DAB1: variants seen among roughly 807,000 people sequenced by gnomAD.
DAB1 encodes the protein DAB adaptor protein 1, also known as disabled homolog 1.
DAB1 carries 15 observed loss-of-function variants against 64.6 expected under a neutral mutation model. The observed-to-expected ratio is 0.23, with a 90% CI of 0.16 to 0.36. The LOEUF (loss-of-function observed/expected upper bound fraction) is 0.36. Ranked by LOEUF, DAB1 falls within the 10% of genes least tolerant of loss-of-function variation. The pLI, the probability that DAB1 is intolerant of heterozygous loss-of-function variation, is 1.00. For synonymous variants in DAB1, 235 were observed against 251.9 expected (o/e 0.93, Z 0.64); for missense variants, 596 against 706.7 (o/e 0.84, Z 1.78).
At chr1:57,755,638 T>G (rs1222398346) in intron 6 of DAB1, among the ~76,000 whole-genome samples, 1 of 152,222 alleles carries the variant, frequency 6.6e-6, no homozygotes, top group Non-Finnish European at 1.5e-5. Flanking sequence ...AGTGACATGT[T>G]CTCAGGTCTT....
chr1:57,841,578 A>C (rs1653049995), intron 1 of DAB1, among the ~76,000 whole-genome samples: 1 of 152,224 alleles, frequency 6.6e-6, no homozygotes, highest in African/African-American at 2.4e-5. Context: ...TGCAGGCCTA[A>C]CACCACATGG....
chr1:57,494,649 A>G (rs899824257), intron 7 of DAB1, among the ~76,000 whole-genome samples: 1 of 152,184 alleles, frequency 6.6e-6, no homozygotes, highest in African/African-American at 2.4e-5. Context: ...ATCATTTTAC[A>G]TCCTTTATAG....
intron 3 of DAB1, among the ~76,000 whole-genome samples, chr1:58,481,415 G>C (rs548032006): frequency 6.6e-6 from 1 of 152,056 alleles, no homozygotes; most frequent in South Asian, 2.1e-4. Context: ...TTAATAATCT[G>C]TAACAACTGC....
At chr1:57,805,969 G>A (rs1014650487) in intron 6 of DAB1, among the ~76,000 whole-genome samples, 2 of 152,092 alleles carry the variant, frequency 1.3e-5, no homozygotes, top group African/African-American at 4.8e-5. Flanking sequence ...ACCTCTTTCA[G>A]TCTACTCTTA....
intron 7 of DAB1, among the ~76,000 whole-genome samples, chr1:57,562,962 T>C (rs1436485526): frequency 3.3e-5 from 5 of 152,116 alleles, no homozygotes; most frequent in Admixed American, 6.5e-5. Context: ...AGTATATATA[T>C]ATAAATAGGA....
At chr1:57,998,428 G>A (rs1443572709) in intron 5 of DAB1, among the ~76,000 whole-genome samples, 2 of 145,752 alleles carry the variant, frequency 1.4e-5, no homozygotes, top group Non-Finnish European at 3.0e-5. Flanking sequence ...TCTTGCAATG[G>A]TGCGATCTCA....
intron 6 of DAB1, among the ~76,000 whole-genome samples, chr1:57,707,060 G>A (rs1013013981): frequency 6.6e-6 from 1 of 152,004 alleles, no homozygotes; most frequent in African/African-American, 2.4e-5. Context: ...GGCAACAAGA[G>A]TGAAACTCCA....
At chr1:57,224,430 T>C (rs1192993555) in intron 2 of DAB1, among the ~76,000 whole-genome samples, 1 of 152,200 alleles carries the variant, frequency 6.6e-6, no homozygotes, top group Non-Finnish European at 1.5e-5. Context: ...CTATCTCTCA[T>C]CCCACTTTTA....
At chr1:58,204,483 A>C (rs1416668117) in intron 4 of DAB1, among the ~76,000 whole-genome samples, 1 of 152,152 alleles carries the variant, frequency 6.6e-6, no homozygotes, top group Non-Finnish European at 1.5e-5. Context: ...CCCCAGAAGC[A>C]CCAGTAGGGG....
At chr1:58,536,742 CT>C in intron 1 of DAB1, 1 of 867,112 alleles carries the variant, frequency 1.2e-6, no homozygotes, top group Non-Finnish European at 2.0e-6. Flanking sequence ...CCTTATGCCC[CT>C]AAAGCAAAAA....
At chr1:57,241,643 C>T (rs1668502078) in intron 2 of DAB1, among the ~76,000 whole-genome samples, 1 of 152,210 alleles carries the variant, frequency 6.6e-6, no homozygotes, top group Non-Finnish European at 1.5e-5. Context: ...TTGTACATTG[C>T]TCCTCATCTG....
At chr1:57,193,248 A>C (rs971863228) in intron 2 of DAB1, among the ~76,000 whole-genome samples, 3 of 151,716 alleles carry the variant, frequency 2.0e-5, no homozygotes, top group Non-Finnish European at 4.4e-5. Context: ...CCTGGTAACC[A>C]CCACTCTGCT....
chr1:57,821,119 C>A (rs1464146422), downstream of DAB1, among the ~76,000 whole-genome samples: 4 of 152,052 alleles, frequency 2.6e-5, no homozygotes, highest in Non-Finnish European at 5.9e-5. Context: ...CTTAAATATA[C>A]CATCAACATC....
At position 57,839,889 on chromosome 1, in the gene DAB1, C is replaced by T. The variant is rs535192101; in HGVS notation, n.88-13434G>A. The stretch of plus-strand genomic sequence containing the variant: ...GCCTTTCTGTGTAAGGTTAAGGGGA[C>T]TTGGGTGTCATTGTGCAGGGTGAGC... On this transcript the variant is annotated intron_variant and non_coding_transcript_variant, in intron 1 of 1. Coordinates refer to the DAB1 transcript ENST00000477280. 1.8e-4 allele frequency among the ~76,000 whole-genome samples: 27 copies of T among 152,270 alleles called. 1 individual carries two copies. The South Asian group carries it at 3.9e-3, about 22-fold the overall frequency.
At chr1:57,028,583 C>A (rs1242538755) in intron 9 of DAB1, among the ~76,000 whole-genome samples, 2 of 152,128 alleles carry the variant, frequency 1.3e-5, no homozygotes, top group Non-Finnish European at 2.9e-5. Context: ...TTTGGAACTT[C>A]CTAGAGACTT....
chr1:57,284,234 A>G (rs995330353), intron 2 of DAB1, among the ~76,000 whole-genome samples: 1 of 152,156 alleles, frequency 6.6e-6, no homozygotes, highest in Non-Finnish European at 1.5e-5. Flanking sequence ...TTTTTCAGGG[A>G]AAGACGAGAC....
intron 4 of DAB1, among the ~76,000 whole-genome samples, chr1:57,107,974 A>T (rs565595101): frequency 6.6e-6 from 1 of 152,158 alleles, no homozygotes; most frequent in African/African-American, 2.4e-5. Context: ...GAAATAATAG[A>T]TGCATCATTC....
chr1:57,747,806 C>CA (rs1648350926), intron 6 of DAB1, among the ~76,000 whole-genome samples: 1 of 50,918 alleles, frequency 2.0e-5, no homozygotes, highest in Non-Finnish European at 3.2e-5. Context: ...AGGACTCTGT[C>CA]CAAAAAAAAA....
intron 6 of DAB1, among the ~76,000 whole-genome samples, chr1:57,737,847 C>A (rs1420922530): frequency 6.6e-6 from 1 of 152,148 alleles, no homozygotes; most frequent in Non-Finnish European, 1.5e-5. Context: ...AATATCAGGA[C>A]CTATGACCCA....
Sources: gnomAD v4.1 joint callset for allele counts (sites outside exome capture counted in the v4.1 genomes callset) on GRCh38, gnomAD v4.1.1 for gene constraint, MANE v1.5 for transcripts, NCBI Gene and HGNC (gene_info 2026-07-23, HGNC 2026-07-21) for gene names.